The following RTKN2 variants were observed in gnomAD, a reference collection of about 807,000 sequenced individuals.
RTKN2 encodes rhotekin 2.
RTKN2 carries 69 observed loss-of-function variants against 71.5 expected under a neutral mutation model. The observed-to-expected ratio is 0.96, with a 90% CI of 0.79 to 1.18. The LOEUF (loss-of-function observed/expected upper bound fraction) is 1.18. Among genes scored for constraint, RTKN2 ranks in the 50% most tolerant of loss-of-function variants. The probability of loss-of-function intolerance (pLI) is 0.00; values close to 1 mark genes in which losing one functional copy is unlikely to be tolerated. For missense variants in RTKN2, 724 were observed against 719.7 expected (o/e 1.01, Z -0.07); for synonymous variants, 236 against 236.5 (o/e 1.00, Z 0.02).
chr10:62,220,457 T>C (rs1369462104), intron 7 of RTKN2, among the ~76,000 whole-genome samples: 1 of 152,222 alleles, frequency 6.6e-6, no homozygotes, highest in Non-Finnish European at 1.5e-5. Context: ...GATTTGTAAA[T>C]TTAGAAGTTT....
intron 6 of RTKN2, among the ~76,000 whole-genome samples, chr10:62,230,268 T>C (rs1461342329): frequency 6.6e-6 from 1 of 152,140 alleles, no homozygotes; most frequent in Non-Finnish European, 1.5e-5. Context: ...GCCTCCTGCG[T>C]TCAAGCGATT....
At chr10:62,235,271 G>C (rs1163698614) in intron 6 of RTKN2, among the ~76,000 whole-genome samples, 1 of 152,018 alleles carries the variant, frequency 6.6e-6, no homozygotes, top group East Asian at 1.9e-4. Flanking sequence ...AATACAGACT[G>C]GATATTAATG....
chr10:62,245,887 G>A, intron 3 of RTKN2, 112 bp downstream of exon 3: 1 of 659,910 alleles, frequency 1.5e-6, no homozygotes, highest in South Asian at 2.0e-5. Flanking sequence ...TATTCTGATA[G>A]AGGTATGAAA....
intron 6 of RTKN2, among the ~76,000 whole-genome samples, chr10:62,232,813 T>G (rs950053538): frequency 3.3e-5 from 5 of 152,072 alleles, no homozygotes; most frequent in African/African-American, 1.2e-4. Context: ...TACTACAAAA[T>G]GCTTCCTTTA....
intron 10 of RTKN2, among the ~76,000 whole-genome samples, chr10:62,200,362 C>CAAAAAAAAAAAAAAAAAAAAAA (rs67854159): frequency 1.3e-5 from 1 of 79,504 alleles, no homozygotes. Flanking sequence ...GACTCCGTCT[C>CAAAAAAAAAAAAAAAAAAAAAA]AAAAAAAAAA....
intron 9 of RTKN2, among the ~76,000 whole-genome samples, chr10:62,210,139 A>G (rs1841630695): frequency 6.6e-6 from 1 of 152,180 alleles, no homozygotes; most frequent in South Asian, 2.1e-4. Context: ...ATCAACCATA[A>G]TATGTGGCCC....
intron 2 of RTKN2, among the ~76,000 whole-genome samples, chr10:62,248,075 C>A (rs951151944): frequency 5.9e-5 from 9 of 152,202 alleles, no homozygotes; most frequent in African/African-American, 1.7e-4. Flanking sequence ...AAATTTCCCC[C>A]TTCCAAACTA....
In RTKN2 at chr10:62,196,800, A is replaced by T. The variant is rs960267466; in HGVS notation, c.*1108T>A. ...TGTTCTGCTCTTGTTTACAAAAAGCATTATTATAAAAAATGGATTTTTTGT... is the reference window on the plus strand; with the variant it reads ...TGTTCTGCTCTTGTTTACAAAAAGCTTTATTATAAAAAATGGATTTTTTGT... On this transcript the variant is annotated 3_prime_UTR_variant, in exon 12 of 12. Transcript: ENST00000373789. 3 of 976,120 alleles carry T rather than the reference A, an allele frequency of 3.1e-6. No homozygotes were observed. The highest frequency in any genetic ancestry group is 3.7e-6 in the Non-Finnish European group (3 of 821,556). 60.5% of individuals were successfully genotyped at this position (976,120 alleles called of 1,614,324 possible). A position where few individuals can be genotyped will look rare whatever the true frequency, so the allele number is the denominator to read the frequency against.
chr10:62,264,997 T>C (rs1842843024), intron 1 of RTKN2, among the ~76,000 whole-genome samples: 1 of 152,076 alleles, frequency 6.6e-6, no homozygotes, highest in African/African-American at 2.4e-5. Context: ...TTTGTGTTTC[T>C]ATCACATAAA....
Position 62,195,103 on chromosome 10 carries a change from C to A in RTKN2, c.*2805G>T. 2.0e-6 allele frequency: 2 copies of A among 981,330 alleles called. No homozygotes were observed. Among genetic ancestry groups the A allele is most frequent in the Non-Finnish European group, 2.4e-6 (2 of 826,244 alleles). The allele number at this position is 981,330 out of a possible 1,614,324, so 60.8% of individuals were successfully genotyped here. ...TAGTAGCAATTAAAAATAATACTATCTTAATGCTGACTACGTAATTTATAT... is the reference window on the plus strand; with the variant it reads ...TAGTAGCAATTAAAAATAATACTATATTAATGCTGACTACGTAATTTATAT... On this transcript the variant is annotated 3_prime_UTR_variant, in exon 12 of 12. Transcript: ENST00000373789.
chr10:62,250,084 T>C (rs1443208892), intron 2 of RTKN2, among the ~76,000 whole-genome samples: 1 of 152,178 alleles, frequency 6.6e-6, no homozygotes, highest in African/African-American at 2.4e-5. Flanking sequence ...ATGGGGAAAC[T>C]AACATCTGAA....
chr10:62,205,751 G>A (rs758620123), intron 9 of RTKN2, among the ~76,000 whole-genome samples: 5 of 152,082 alleles, frequency 3.3e-5, no homozygotes, highest in Non-Finnish European at 5.9e-5. Flanking sequence ...GACACTTATT[G>A]ATTCTATACT....
intron 9 of RTKN2, among the ~76,000 whole-genome samples, chr10:62,215,819 G>GA (rs1289407837): frequency 6.6e-6 from 1 of 151,664 alleles, no homozygotes; most frequent in Non-Finnish European, 1.5e-5. Flanking sequence ...AAAGCGACAG[G>GA]AAATACAACA....
intron 7 of RTKN2, among the ~76,000 whole-genome samples, chr10:62,219,250 AG>A (rs5785515): frequency 0.73 from 111,230 of 151,752 alleles, 41,024 homozygotes; most frequent in East Asian, 0.9. Flanking sequence ...AGGGCCTGAG[AG>A]GGTGATGACA....
At chr10:62,234,873 A>T (rs1326052297) in intron 6 of RTKN2, among the ~76,000 whole-genome samples, 1 of 152,206 alleles carries the variant, frequency 6.6e-6, no homozygotes, top group East Asian at 1.9e-4. Flanking sequence ...ACATTTTAAC[A>T]TCATCAATTT....
Position 62,204,839 on chromosome 10 carries a change from A to T in RTKN2, c.1186+18T>A. ...GCTACATAAATACACAACTAAAAAA[A>T]TCCAAATATCTATTTACTAAGATCA... On this transcript the variant is annotated intron_variant, in intron 10 of 11. Transcript: ENST00000373789. 6.5e-7 allele frequency: 1 copy of T among 1,528,470 alleles called. No homozygotes were observed. Among genetic ancestry groups the T allele is most frequent in the Non-Finnish European group, 8.8e-7 (1 of 1,140,692 alleles). The allele number at this position is 1,528,470 out of a possible 1,614,324, so 94.7% of individuals were successfully genotyped here.
chr10:62,267,654 C>T (rs1261269459), intron 1 of RTKN2, among the ~76,000 whole-genome samples: 1 of 152,102 alleles, frequency 6.6e-6, no homozygotes, highest in Non-Finnish European at 1.5e-5. Context: ...AAGGAAATCC[C>T]AGATTTTTAA....
At chr10:62,251,534 G>A (rs368853004) in intron 2 of RTKN2, among the ~76,000 whole-genome samples, 3 of 152,078 alleles carry the variant, frequency 2.0e-5, no homozygotes, top group East Asian at 3.9e-4. Context: ...TATTTCATTA[G>A]GGACAAAAAT....
rs558048068 is a variant in RTKN2 at position 62,197,032 on chromosome 10, A to G, written c.*876T>C. 1.0e-6 allele frequency: 1 copy of G among 975,330 alleles called. No individual in the cohort carries two copies. The highest frequency in any genetic ancestry group is 1.2e-6 in the Non-Finnish European group (1 of 820,936). 60.4% of individuals were successfully genotyped at this position (975,330 alleles called of 1,614,324 possible). ...AATCTAATTAAAATTTTAAAAAAGA[A>G]TTCTGAAAATTATTTACCATGGCCA... On this transcript the variant is annotated 3_prime_UTR_variant, in exon 12 of 12. Transcript: ENST00000373789.
Sources: gnomAD v4.1 joint callset for allele counts (sites outside exome capture counted in the v4.1 genomes callset) on GRCh38, gnomAD v4.1.1 for gene constraint, MANE v1.5 for transcripts, NCBI Gene and HGNC (gene_info 2026-07-23, HGNC 2026-07-21) for gene names.